The following GRIA4 variants were observed in gnomAD, a reference collection of about 807,000 sequenced individuals.
The protein encoded by GRIA4 is glutamate receptor 4.
A neutral mutation model predicts 104.0 loss-of-function variants in GRIA4; 34 were observed. That is an observed-to-expected ratio of 0.33 (90% CI 0.25 to 0.44). The LOEUF (loss-of-function observed/expected upper bound fraction) is 0.44, where lower values mean the gene tolerates loss of function less well. Ranked by LOEUF, GRIA4 falls within the 20% of genes least tolerant of loss-of-function variation. The pLI, the probability that GRIA4 is intolerant of heterozygous loss-of-function variation, is 1.00. For missense variants in GRIA4, 750 were observed against 1,096.5 expected, an observed-to-expected ratio of 0.68 and a Z score of 4.46; for synonymous variants, 386 against 381.9, an observed-to-expected ratio of 1.01 and a Z score of -0.13.
intron 3 of GRIA4, among the ~76,000 whole-genome samples, chr11:105,695,005 A>G (rs927970547): frequency 2.0e-5 from 3 of 152,202 alleles, no homozygotes; most frequent in African/African-American, 4.8e-5. Context: ...TAGCAAAGTA[A>G]CATGTGCAAG....
chr11:105,653,576 T>C (rs1248711663), intron 3 of GRIA4, among the ~76,000 whole-genome samples: 1 of 152,142 alleles, frequency 6.6e-6, no homozygotes, highest in Admixed American at 6.5e-5. Context: ...AACAAGTAAC[T>C]GAAACTACAA....
chr11:105,712,235 T>C (rs1361077330), intron 3 of GRIA4, among the ~76,000 whole-genome samples: 2 of 152,066 alleles, frequency 1.3e-5, no homozygotes, highest in Non-Finnish European at 2.9e-5. Context: ...CAAAATCTCA[T>C]AGCAAGACAG....
intron 3 of GRIA4, among the ~76,000 whole-genome samples, chr11:105,730,102 A>C (rs991838765): frequency 1.3e-5 from 2 of 152,250 alleles, no homozygotes; most frequent in African/African-American, 4.8e-5. Flanking sequence ...CTCTGTTTGC[A>C]GATGACATGA....
chr11:105,935,056 A>G (rs565863135), intron 14 of GRIA4, among the ~76,000 whole-genome samples: 3 of 152,292 alleles, frequency 2.0e-5, no homozygotes, highest in Non-Finnish European at 4.4e-5. Context: ...TATAAATATT[A>G]TACTTGTTTT....
At chr11:105,696,766 A>AT (rs72372757) in intron 3 of GRIA4, among the ~76,000 whole-genome samples, 118 of 148,830 alleles carry the variant, frequency 7.9e-4, no homozygotes, top group Admixed American at 1.2e-3. Flanking sequence ...TTTCTTTCTG[A>AT]TTTTTTTTTT....
chr11:105,786,941 C>A (rs1039408343), intron 4 of GRIA4, among the ~76,000 whole-genome samples: 1 of 152,110 alleles, frequency 6.6e-6, no homozygotes, highest in African/African-American at 2.4e-5. Context: ...CTATCAGAGC[C>A]AACACTCACC....
At chr11:105,779,263 C>A (rs1242542557) in intron 4 of GRIA4, among the ~76,000 whole-genome samples, 1 of 152,018 alleles carries the variant, frequency 6.6e-6, no homozygotes, top group East Asian at 1.9e-4. Flanking sequence ...AGGAGAACTA[C>A]AAACCACTGC....
At chr11:105,905,397 C>T in intron 9 of GRIA4, 96 bp downstream of exon 9, 3 of 677,614 alleles carry the variant, frequency 4.4e-6, no homozygotes, top group East Asian at 2.6e-5. Flanking sequence ...TGAACATTTC[C>T]TTTTTTTGTG....
intron 10 of GRIA4, chr11:105,911,987 A>G: frequency 1.4e-6 from 2 of 1,438,164 alleles, no homozygotes. Flanking sequence ...TAGTAAATTT[A>G]AGCTTATTTT....
At chr11:105,705,064 A>C (rs566672883) in intron 3 of GRIA4, among the ~76,000 whole-genome samples, 12 of 152,194 alleles carry the variant, frequency 7.9e-5, no homozygotes, top group Non-Finnish European at 1.3e-4. Flanking sequence ...AATAATAGAC[A>C]ACAAAGTCAG....
At chr11:105,713,209 G>A (rs1039334516) in intron 3 of GRIA4, among the ~76,000 whole-genome samples, 17 of 151,888 alleles carry the variant, frequency 1.1e-4, no homozygotes, top group Admixed American at 6.6e-5. Context: ...ATGGTGAAAC[G>A]CTGTCTCTAC....
chr11:105,798,537 A>C (rs367616380), intron 4 of GRIA4, among the ~76,000 whole-genome samples: 4 of 152,144 alleles, frequency 2.6e-5, no homozygotes, highest in African/African-American at 9.7e-5. Flanking sequence ...GACTAAGAAA[A>C]GGAGTGACAT....
At chr11:105,637,102 T>C (rs1951224696) in intron 3 of GRIA4, among the ~76,000 whole-genome samples, 1 of 152,220 alleles carries the variant, frequency 6.6e-6, no homozygotes, top group African/African-American at 2.4e-5. Context: ...TTAACTTAGA[T>C]ATTTTGTGCT....
At chr11:105,803,094 T>C (rs1200465471) in intron 4 of GRIA4, among the ~76,000 whole-genome samples, 1 of 152,020 alleles carries the variant, frequency 6.6e-6, no homozygotes, top group African/African-American at 2.4e-5. Context: ...CTACTTGTCT[T>C]TTATTACATT....
At chr11:105,924,344 ATTGCT>A in intron 11 of GRIA4, 50 bp from the exon 12 acceptor site, 1 of 1,377,284 alleles carries the variant, frequency 7.3e-7, no homozygotes, top group South Asian at 1.4e-5. Flanking sequence ...TCCAGTGCTA[ATTGCT>A]TCATGAAATT....
intron 3 of GRIA4, among the ~76,000 whole-genome samples, chr11:105,643,122 C>G (rs985640113): frequency 4.6e-5 from 7 of 152,100 alleles, no homozygotes; most frequent in African/African-American, 1.7e-4. Flanking sequence ...ACTACTGAGT[C>G]CCTCCCATGA....
Position 105,851,485 on chromosome 11 carries a change from C to A in GRIA4, c.488-10539C>A, listed in dbSNP as rs1258171169. 2.0e-5 allele frequency among the ~76,000 whole-genome samples: 3 copies of A among 152,106 alleles called. No individual in the cohort carries two copies. The South Asian group carries it at 6.2e-4, about 32-fold the overall frequency. Reference sequence around the variant, plus strand: ...AGTAGCATGAGCTGTAATTACTGTACAAACAGCTAGGGAAATGTAAAGAAA... The same window carrying A: ...AGTAGCATGAGCTGTAATTACTGTAAAAACAGCTAGGGAAATGTAAAGAAA... On this transcript the variant is annotated intron_variant, in intron 4 of 16. Coordinates refer to ENST00000282499, the MANE Select transcript of GRIA4 (RefSeq NM_000829.4).
At chr11:105,660,731 TGCAG>T (rs1325145600) in intron 3 of GRIA4, among the ~76,000 whole-genome samples, 3 of 151,486 alleles carry the variant, frequency 2.0e-5, no homozygotes, top group African/African-American at 4.8e-5. Flanking sequence ...TCGACTATTA[TGCAG>T]GCAAAAAGTT....
At chr11:105,688,511 C>T (rs1447669747) in intron 3 of GRIA4, among the ~76,000 whole-genome samples, 1 of 151,866 alleles carries the variant, frequency 6.6e-6, no homozygotes, top group Non-Finnish European at 1.5e-5. Context: ...TGTAGTGAGC[C>T]GAGATCGTGC....
Sources: gnomAD v4.1 joint callset for allele counts (sites outside exome capture counted in the v4.1 genomes callset) on GRCh38, gnomAD v4.1.1 for gene constraint, MANE v1.5 for transcripts, NCBI Gene and HGNC (gene_info 2026-07-23, HGNC 2026-07-21) for gene names.